The following EYS variants were observed in gnomAD, a reference collection of about 807,000 sequenced individuals.
The protein encoded by EYS is protein eyes shut homolog.
In EYS, 250 loss-of-function variants were observed where a neutral mutation model predicts 282.1. The observed-to-expected ratio is 0.89, with a 90% CI of 0.80 to 0.98. The LOEUF is 0.98. Among genes scored for constraint, EYS ranks in the 50% least tolerant of loss-of-function variants. The pLI is 0.00. For missense variants in EYS, 4,016 were observed against 3,709.0 expected, an observed-to-expected ratio of 1.08 and a Z score of -2.15; for synonymous variants, 1,355 against 1,282.9, an observed-to-expected ratio of 1.06 and a Z score of -1.20.
intron 12 of EYS, among the ~76,000 whole-genome samples, chr6:65,130,808 A>G (rs1450236844): frequency 2.6e-5 from 4 of 151,758 alleles, no homozygotes; most frequent in Non-Finnish European, 4.4e-5. Flanking sequence ...GTTAAAAAAA[A>G]AAAAAGAAAA....
chr6:64,057,069 T>C (rs1423351089), intron 33 of EYS, among the ~76,000 whole-genome samples: 4 of 152,184 alleles, frequency 2.6e-5, no homozygotes, highest in African/African-American at 7.2e-5. Flanking sequence ...TATGATGGCA[T>C]TAGAATAAAT....
intron 33 of EYS, among the ~76,000 whole-genome samples, chr6:64,024,382 G>C (rs1769369639): frequency 1.3e-5 from 2 of 152,070 alleles, no homozygotes. Flanking sequence ...AATCTGGTGG[G>C]GACTTGGAGA....
chr6:64,712,640 C>A (rs1245516700), intron 22 of EYS, among the ~76,000 whole-genome samples: 1 of 152,170 alleles, frequency 6.6e-6, no homozygotes, highest in Non-Finnish European at 1.5e-5. Flanking sequence ...AATGTAGCAC[C>A]AACTATGCAA....
intron 29 of EYS, among the ~76,000 whole-genome samples, chr6:64,335,031 A>G (rs1770788263): frequency 6.6e-6 from 1 of 152,076 alleles, no homozygotes; most frequent in South Asian, 2.1e-4. Context: ...TCACCACCCG[A>G]ATAATGGTTC....
intron 29 of EYS, among the ~76,000 whole-genome samples, chr6:64,334,090 G>A (rs1158191251): frequency 6.6e-6 from 1 of 152,182 alleles, no homozygotes; most frequent in East Asian, 1.9e-4. Context: ...ACAATATTTT[G>A]AAGAATCCAA....
At chr6:64,197,483 C>G (rs773951315) in intron 31 of EYS, among the ~76,000 whole-genome samples, 7 of 152,098 alleles carry the variant, frequency 4.6e-5, no homozygotes, top group Non-Finnish European at 7.4e-5. Flanking sequence ...CATTTTTGTG[C>G]TCTGTTTATC....
intron 1 of EYS, among the ~76,000 whole-genome samples, chr6:65,689,900 C>G (rs1320409273): frequency 3.3e-5 from 5 of 149,608 alleles, no homozygotes; most frequent in Admixed American, 1.3e-4. Flanking sequence ...CAGACACACA[C>G]AAGATAGTGA....
At chr6:65,174,388 T>TTACAA in intron 12 of EYS, among the ~76,000 whole-genome samples, 1 of 151,364 alleles carries the variant, frequency 6.6e-6, no homozygotes, top group South Asian at 2.1e-4. Flanking sequence ...ATTTCAAAAA[T>TTACAA]ATTTGTAATT....
intron 5 of EYS, among the ~76,000 whole-genome samples, chr6:65,405,773 G>A (rs1429415845): frequency 1.3e-5 from 2 of 151,714 alleles, no homozygotes; most frequent in Non-Finnish European, 2.9e-5. Context: ...ATCAGTAGTT[G>A]GTACTTTATA....
chr6:65,577,328 T>A (rs2127357490), intron 2 of EYS, among the ~76,000 whole-genome samples: 1 of 151,886 alleles, frequency 6.6e-6, no homozygotes, highest in South Asian at 2.1e-4. Flanking sequence ...GAACACAGAA[T>A]GAGGAAATGA....
At chr6:65,617,552 T>A (rs925730966) in intron 2 of EYS, among the ~76,000 whole-genome samples, 4 of 151,928 alleles carry the variant, frequency 2.6e-5, no homozygotes, top group East Asian at 1.9e-4. Context: ...ATATATTTTT[T>A]AAATTTATTA....
chr6:64,676,350 A>G (rs1769680240), intron 22 of EYS, among the ~76,000 whole-genome samples: 2 of 147,376 alleles, frequency 1.4e-5, no homozygotes, highest in South Asian at 2.1e-4. Flanking sequence ...ATATATATAT[A>G]TAGAGAGAGA....
chr6:63,888,588 G>A (rs1357023807), intron 35 of EYS, among the ~76,000 whole-genome samples: 1 of 151,650 alleles, frequency 6.6e-6, no homozygotes, highest in African/African-American at 2.4e-5. Context: ...GAAAGCAACA[G>A]CATCAAGATC....
At chr6:63,763,981 G>C (rs1769719401) in intron 40 of EYS, among the ~76,000 whole-genome samples, 1 of 149,188 alleles carries the variant, frequency 6.7e-6, no homozygotes, top group Non-Finnish European at 1.5e-5. Context: ...CTCCCTGCCT[G>C]CCTTTCTCCC....
chr6:65,103,954 TA>T, intron 12 of EYS, among the ~76,000 whole-genome samples: 1 of 151,536 alleles, frequency 6.6e-6, no homozygotes, highest in East Asian at 1.9e-4. Flanking sequence ...TACTGGTCAT[TA>T]AAAATGTTTG....
At chr6:65,111,483 A>G (rs140715014) in intron 12 of EYS, among the ~76,000 whole-genome samples, 2,145 of 152,294 alleles carry the variant, frequency 0.014, 26 homozygotes, top group Admixed American at 0.024. Context: ...TGGATCACCA[A>G]TTATTTTGTC....
At chr6:64,156,144 A>T (rs114557233) in intron 31 of EYS, among the ~76,000 whole-genome samples, 2,071 of 151,876 alleles carry the variant, frequency 0.014, 17 homozygotes, top group Non-Finnish European at 0.021. Flanking sequence ...TACTCCCATA[A>T]TTTCCACATG....
At chr6:64,252,559 CTAT>C (rs1767257257) in intron 30 of EYS, among the ~76,000 whole-genome samples, 1 of 151,478 alleles carries the variant, frequency 6.6e-6, no homozygotes, top group Non-Finnish European at 1.5e-5. Context: ...ATCATTCTTA[CTAT>C]TAAGTTTAAT....
chr6:64,775,496 A>AT (rs1263704950), intron 22 of EYS, among the ~76,000 whole-genome samples: 2 of 152,036 alleles, frequency 1.3e-5, no homozygotes, highest in Non-Finnish European at 2.9e-5. Context: ...GGGCATAAAA[A>AT]TGTATGTAAT....
Sources: allele counts gnomAD v4.1 joint callset (sites outside exome capture counted in the v4.1 genomes callset), GRCh38; gene constraint gnomAD v4.1.1; transcripts MANE v1.5; gene names NCBI Gene and HGNC (gene_info 2026-07-23, HGNC 2026-07-21).